The following SDK1 variants were observed in gnomAD, a reference collection of about 807,000 sequenced individuals.
SDK1 encodes sidekick cell adhesion molecule 1.
SDK1 carries 157 observed loss-of-function variants against 245.5 expected under a neutral mutation model. The ratio of observed to expected loss-of-function variants is 0.64; its 90% CI spans 0.56 to 0.73. SDK1 has a LOEUF of 0.73. SDK1 is among the 30% of genes least tolerant of loss of function. The pLI, the probability that SDK1 is intolerant of heterozygous loss-of-function variation, is 0.00. For missense variants in SDK1, 3,583 were observed against 3,002.3 expected, an observed-to-expected ratio of 1.19 and a Z score of -4.52; for synonymous variants, 1,647 against 1,278.5, an observed-to-expected ratio of 1.29 and a Z score of -6.15.
chr7:3,942,516 T>G (rs376346860), intron 5 of SDK1, among the ~76,000 whole-genome samples: 4 of 152,320 alleles, frequency 2.6e-5, no homozygotes, highest in African/African-American at 9.6e-5. Context: ...GGAAAAAGAT[T>G]TAAAAGAAGC....
intron 1 of SDK1, among the ~76,000 whole-genome samples, chr7:3,515,612 A>G (rs910919913): frequency 1.3e-5 from 2 of 152,206 alleles, no homozygotes; most frequent in African/African-American, 4.8e-5. Context: ...TTATGCTCCA[A>G]AATTTAAAAC....
At chr7:3,999,586 C>T (rs1784924406) in intron 14 of SDK1, among the ~76,000 whole-genome samples, 1 of 152,038 alleles carries the variant, frequency 6.6e-6, no homozygotes, top group African/African-American at 2.4e-5. Flanking sequence ...AGGCTGGTGG[C>T]CAAGGACTCC....
At chr7:4,103,515 T>A (rs535652046) in intron 22 of SDK1, among the ~76,000 whole-genome samples, 1 of 152,362 alleles carries the variant, frequency 6.6e-6, no homozygotes, top group East Asian at 1.9e-4. Flanking sequence ...CCTTTTATTA[T>A]AGAAATTTCA....
intron 1 of SDK1, among the ~76,000 whole-genome samples, chr7:3,333,024 T>C (rs2128551569): frequency 6.6e-6 from 1 of 152,280 alleles, no homozygotes; most frequent in South Asian, 2.1e-4. Flanking sequence ...TGTAACCTTT[T>C]ATAAGGGCAG....
intron 4 of SDK1, among the ~76,000 whole-genome samples, chr7:3,714,014 T>TA (rs1355460633): frequency 6.6e-6 from 1 of 152,138 alleles, no homozygotes; most frequent in Non-Finnish European, 1.5e-5. Flanking sequence ...AACATCGAAA[T>TA]ATCAGATGAG....
chr7:3,980,205 C>G (rs1783287589), intron 13 of SDK1, among the ~76,000 whole-genome samples: 1 of 152,260 alleles, frequency 6.6e-6, no homozygotes, highest in Non-Finnish European at 1.5e-5. Context: ...CCTACAGCCA[C>G]AATTTCACCA....
chr7:3,628,267 A>G (rs917199742), intron 2 of SDK1, among the ~76,000 whole-genome samples: 16 of 151,960 alleles, frequency 1.1e-4, no homozygotes, highest in Non-Finnish European at 1.5e-5. Context: ...GCTTATCTCC[A>G]GTTGCATATT....
intron 4 of SDK1, among the ~76,000 whole-genome samples, chr7:3,667,809 T>C (rs565801286): frequency 1.3e-5 from 2 of 152,376 alleles, no homozygotes; most frequent in East Asian, 1.9e-4. Flanking sequence ...TAGTATTTTA[T>C]TGTGTGCATG....
intron 4 of SDK1, among the ~76,000 whole-genome samples, chr7:3,741,420 C>A (rs1263786126): frequency 2.0e-5 from 3 of 152,214 alleles, no homozygotes; most frequent in African/African-American, 4.8e-5. Flanking sequence ...GTGCACCCCA[C>A]TGGCCATGCC....
intron 1 of SDK1, among the ~76,000 whole-genome samples, chr7:3,422,710 C>A (rs1779565923): frequency 1.3e-5 from 2 of 152,140 alleles, no homozygotes; most frequent in Admixed American, 1.3e-4. Flanking sequence ...AAACCCTACT[C>A]TGGCAACACA....
chr7:4,125,038 A>AT (rs1784292853), intron 25 of SDK1, among the ~76,000 whole-genome samples: 2 of 151,078 alleles, frequency 1.3e-5, no homozygotes, highest in Admixed American at 1.3e-4. Context: ...GGATGAATGA[A>AT]TAGATGGATG....
chr7:3,417,084 G>A (rs1282488807), intron 1 of SDK1, among the ~76,000 whole-genome samples: 1 of 152,126 alleles, frequency 6.6e-6, no homozygotes, highest in East Asian at 1.9e-4. Context: ...TGAGGCAGGA[G>A]AATCCCCTGA....
intron 5 of SDK1, among the ~76,000 whole-genome samples, chr7:3,905,004 A>T (rs79915562): frequency 0.025 from 3,730 of 149,414 alleles, 75 homozygotes; most frequent in African/African-American, 0.05. Flanking sequence ...AAAAAAAAAA[A>T]AAAAATAATA....
At position 4,208,168 on chromosome 7, in the gene SDK1, G is replaced by A. The variant is rs201661973; in HGVS notation, c.5284G>A (p.Val1762Met). ...GAAGGTCCTCTTCCTCCCCGAGCCC[G>A]TGGTGAGGCTGAAGAACCTGACCAG... ...KMKVLFLPEP[V>M]VRLKNLTSHT... The change falls in exon 37 of 45, where the codon GTG becomes ATG. Residue 1762 changes from valine (V) to methionine (M), a missense_variant. Physicochemically the swap from Val to Met is conservative, Grantham distance 21. Coordinates refer to ENST00000404826, the MANE Select transcript of SDK1 (RefSeq NM_152744.4). 2.0e-5 allele frequency: 32 copies of A among 1,613,978 alleles called. No individual in the cohort carries two copies. The highest frequency in any genetic ancestry group is 6.7e-5 in the East Asian group (3 of 44,870).
chr7:4,113,386 A>G lies in SDK1; in HGVS notation c.3532A>G (p.Thr1178Ala), dbSNP rs757852660. 7 of 1,613,724 alleles carry G rather than the reference A, an allele frequency of 4.3e-6. No individual in the cohort carries two copies. In the African/African-American group the frequency reaches 9.3e-5, roughly 22 times the overall value. ...TLQAPPDVAP[T>A]SVTVRTASET... The stretch of plus-strand genomic sequence containing the variant: ...GCAGGCCCCACCCGACGTGGCTCCA[A>G]CCAGCGTCACGGTCCGTACTGCCAG... Residue 1178 changes from threonine (T) to alanine (A), a missense_variant, in exon 24 of 45, where the codon ACC becomes GCC. Physicochemically the swap from Thr to Ala is moderately conservative, Grantham distance 58. Coordinates refer to ENST00000404826, the MANE Select transcript of SDK1 (RefSeq NM_152744.4).
At chr7:4,258,356 G>T (rs1304596836) in intron 44 of SDK1, among the ~76,000 whole-genome samples, 1 of 152,170 alleles carries the variant, frequency 6.6e-6, no homozygotes, top group Non-Finnish European at 1.5e-5. Context: ...GTGGGCAGGG[G>T]TGTACACAGG....
intron 2 of SDK1, among the ~76,000 whole-genome samples, chr7:3,626,056 G>C (rs1281159082): frequency 6.8e-6 from 1 of 147,270 alleles, no homozygotes; most frequent in African/African-American, 2.5e-5. Context: ...TGATCCTTCT[G>C]CACCAGCCTC....
At chr7:3,411,423 A>T (rs944189811) in intron 1 of SDK1, among the ~76,000 whole-genome samples, 1 of 152,208 alleles carries the variant, frequency 6.6e-6, no homozygotes, top group East Asian at 1.9e-4. Flanking sequence ...CCAATAACAT[A>T]GATGAATCAG....
At chr7:3,519,984 A>G (rs942441181) in intron 1 of SDK1, among the ~76,000 whole-genome samples, 1 of 152,188 alleles carries the variant, frequency 6.6e-6, no homozygotes, top group African/African-American at 2.4e-5. Context: ...ATTTGTGCAT[A>G]TGTTTTTCTA....
Sources: gnomAD v4.1 joint callset for allele counts (sites outside exome capture counted in the v4.1 genomes callset) on GRCh38, gnomAD v4.1.1 for gene constraint, MANE v1.5 for transcripts, NCBI Gene and HGNC (gene_info 2026-07-23, HGNC 2026-07-21) for gene names.